Variants in PCDHGA3 observed in about 807,000 individuals in gnomAD.
The protein encoded by PCDHGA3 is protocadherin gamma-A3.
Under a neutral mutation model 58.5 loss-of-function variants are expected in PCDHGA3, and 40 were observed. The ratio of observed to expected loss-of-function variants is 0.68; its 90% CI spans 0.53 to 0.89. The LOEUF (loss-of-function observed/expected upper bound fraction) is 0.89, where lower values mean the gene tolerates loss of function less well. Among genes scored for constraint, PCDHGA3 ranks in the 40% least tolerant of loss-of-function variants. The pLI is 0.00. For missense variants in PCDHGA3, 1,223 were observed against 1,195.9 expected (o/e 1.02, Z -0.33); for synonymous variants, 530 against 525.7 (o/e 1.01, Z -0.11).
At chr5:141,480,195 G>A (rs1350891459) in intron 1 of PCDHGA3, among the ~76,000 whole-genome samples, 1 of 151,182 alleles carries the variant, frequency 6.6e-6, no homozygotes, top group Non-Finnish European at 1.5e-5. Context: ...CTTGAGGCCA[G>A]CAGTTCAAGA....
In PCDHGA3 at chr5:141,404,750, C is replaced by G. The variant is rs1321458841; in HGVS notation, c.2424+58293C>G. The stretch of plus-strand genomic sequence containing the variant: ...GGTGGCAGTGGACAGAGACTCAGGC[C>G]AGAATGCTTGGCTCTCCTACCGCCT... On this transcript the variant is annotated intron_variant, in intron 1 of 3. Coordinates refer to ENST00000253812, the MANE Select transcript of PCDHGA3 (RefSeq NM_018916.4). 10 of 1,613,702 alleles carry G rather than the reference C, an allele frequency of 6.2e-6. No homozygotes were observed. In the African/African-American group the frequency reaches 1.3e-4, roughly 22 times the overall value.
intron 1 of PCDHGA3, chr5:141,427,723 G>T: frequency 8.9e-7 from 1 of 1,127,490 alleles, no homozygotes; most frequent in East Asian, 2.4e-5. Flanking sequence ...CTGGACCTAG[G>T]GCTGAATGGC....
At chr5:141,458,100 A>AT (rs2098937418) in intron 1 of PCDHGA3, among the ~76,000 whole-genome samples, 1 of 152,252 alleles carries the variant, frequency 6.6e-6, no homozygotes, top group Non-Finnish European at 1.5e-5. Context: ...GAGTACTTAC[A>AT]GATAGTCTCC....
At chr5:141,433,128 C>T (rs773994964) in intron 1 of PCDHGA3, 3 of 1,614,158 alleles carry the variant, frequency 1.9e-6, no homozygotes, top group Non-Finnish European at 1.7e-6. Flanking sequence ...AAAAGCGAGC[C>T]CCTTTTGCTG....
chr5:141,393,858 A>C lies in PCDHGA3; in HGVS notation c.2424+47401A>C, dbSNP rs777304987. 5 of 1,613,912 alleles carry C rather than the reference A, an allele frequency of 3.1e-6. No homozygotes were observed. The South Asian group carries it at 3.3e-5, about 11-fold the overall frequency. Reference sequence around the variant, plus strand: ...AAATGACAATAGACCAGAAGTGATCATTACGTCTTTGTTTAGCCCAGTGTT... The same window carrying C: ...AAATGACAATAGACCAGAAGTGATCCTTACGTCTTTGTTTAGCCCAGTGTT... On this transcript the variant is annotated intron_variant, in intron 1 of 3. Coordinates refer to ENST00000253812, the MANE Select transcript of PCDHGA3 (RefSeq NM_018916.4).
At chr5:141,505,567 T>A in intron 3 of PCDHGA3, 86 bp downstream of exon 3, 2 of 1,599,440 alleles carry the variant, frequency 1.3e-6, no homozygotes, top group Non-Finnish European at 1.7e-6. Context: ...ACGGACTGGA[T>A]GTCAAACCTG....
intron 1 of PCDHGA3, among the ~76,000 whole-genome samples, chr5:141,446,174 G>A (rs1242027176): frequency 1.3e-5 from 2 of 152,062 alleles, no homozygotes; most frequent in Non-Finnish European, 2.9e-5. Context: ...GAGGGCAGGG[G>A]GTGTTTTGTT....
intron 1 of PCDHGA3, among the ~76,000 whole-genome samples, chr5:141,466,021 G>A (rs2099115061): frequency 6.6e-6 from 1 of 151,934 alleles, no homozygotes; most frequent in Admixed American, 6.6e-5. Flanking sequence ...ACTCGGGAGG[G>A]TGAGGCAGGA....
chr5:141,371,143 A>T (rs199674539), intron 1 of PCDHGA3: 4 of 1,613,904 alleles, frequency 2.5e-6, no homozygotes, highest in Non-Finnish European at 3.4e-6. Context: ...TACAGGGTCA[A>T]TGTTGCAGAG....
chr5:141,433,236 C>G, intron 1 of PCDHGA3: 2 of 1,501,160 alleles, frequency 1.3e-6, no homozygotes, highest in South Asian at 1.3e-5. Flanking sequence ...CTCTGTCTCC[C>G]AAGCTGGAAT....
intron 1 of PCDHGA3, chr5:141,356,709 C>T (rs1760315750): frequency 1.9e-6 from 3 of 1,613,998 alleles, no homozygotes; most frequent in African/African-American, 2.7e-5. Context: ...CTCTGTCCTC[C>T]TATGTCTCCA....
chr5:141,368,854 T>C (rs1426770284), intron 1 of PCDHGA3, among the ~76,000 whole-genome samples: 1 of 152,192 alleles, frequency 6.6e-6, no homozygotes, highest in Non-Finnish European at 1.5e-5. Context: ...GCACTTGCTT[T>C]GGAATGTTTT....
chr5:141,476,040 G>T lies in PCDHGA3; in HGVS notation c.2425-18767G>T. On this transcript the variant is annotated intron_variant, in intron 1 of 3. Coordinates refer to ENST00000253812, the MANE Select transcript of PCDHGA3 (RefSeq NM_018916.4). This position sits in a 1 kb window ranked among gnomAD's most constrained non-coding sequence, Gnocchi z 7.6. ...CGGACTCGGCGCCCAGCGCCCAAGC[G>T]CTAACCCGCTGAAAGTTTCTCAGCG... is the stretch of plus-strand genomic sequence containing the variant. 1 of 1,488,704 alleles carries T rather than the reference G, an allele frequency of 6.7e-7. No homozygotes were observed. 92.2% of individuals were successfully genotyped at this position (1,488,704 alleles called of 1,614,324 possible).
At chr5:141,354,996 G>A in intron 1 of PCDHGA3, 1 of 699,244 alleles carries the variant, frequency 1.4e-6, no homozygotes, top group Non-Finnish European at 2.1e-6. Context: ...CAATCAGGGG[G>A]AAAAGACAAA....
intron 1 of PCDHGA3, chr5:141,399,111 A>G (rs1561667842): frequency 1.9e-6 from 3 of 1,613,732 alleles, no homozygotes; most frequent in East Asian, 2.2e-5. Context: ...CACAATGTAC[A>G]GTTGAAATTA....
chr5:141,415,533 G>A (rs749139053), intron 1 of PCDHGA3: 11 of 1,614,198 alleles, frequency 6.8e-6, no homozygotes, highest in Non-Finnish European at 6.8e-6. Flanking sequence ...TCATCAGCCA[G>A]GAGAGCTGTG....
intron 1 of PCDHGA3, chr5:141,421,426 A>T: frequency 1.2e-6 from 2 of 1,614,104 alleles, no homozygotes; most frequent in Non-Finnish European, 8.5e-7. Flanking sequence ...CGGAGTCCGC[A>T]TCGTCTCCAG....
chr5:141,371,219 C>T, intron 1 of PCDHGA3: 13 of 1,613,954 alleles, frequency 8.1e-6, no homozygotes, highest in Middle Eastern at 1.6e-4. Flanking sequence ...GCATCAATGC[C>T]GAAATCATCT....
At chr5:141,361,659 C>T (rs746637756) in intron 1 of PCDHGA3, 25 of 1,613,626 alleles carry the variant, frequency 1.5e-5, no homozygotes, top group African/African-American at 2.7e-5. Flanking sequence ...TGTCCGTGAG[C>T]GCGCAGAGCG....
Sources: gnomAD v4.1 joint callset for allele counts (sites outside exome capture counted in the v4.1 genomes callset) on GRCh38, gnomAD v4.1.1 for gene constraint, Gnocchi (gnomAD v3.1) non-coding constraint, MANE v1.5 for transcripts, NCBI Gene and HGNC (gene_info 2026-07-23, HGNC 2026-07-21) for gene names.